Variants in KCNH7 observed in about 807,000 individuals in gnomAD.
KCNH7 encodes voltage-gated inwardly rectifying potassium channel KCNH7.
In KCNH7, 49 loss-of-function variants were observed where a neutral mutation model predicts 120.8. The observed-to-expected ratio is 0.41, with a 90% CI of 0.32 to 0.51. The LOEUF (loss-of-function observed/expected upper bound fraction) is 0.51. Among genes scored for constraint, KCNH7 ranks in the 20% least tolerant of loss-of-function variants. The pLI, the probability that KCNH7 is intolerant of heterozygous loss-of-function variation, is 0.38. For synonymous variants in KCNH7, 547 were observed against 516.1 expected, an observed-to-expected ratio of 1.06 and a Z score of -0.81; for missense variants, 1,097 against 1,446.6, an observed-to-expected ratio of 0.76 and a Z score of 3.92.
At chr2:162,701,297 A>G (rs1686489254) in intron 2 of KCNH7, among the ~76,000 whole-genome samples, 1 of 152,164 alleles carries the variant, frequency 6.6e-6, no homozygotes, top group Admixed American at 6.6e-5. Context: ...AAGTTTGCTA[A>G]TCATGCATCA....
intron 2 of KCNH7, among the ~76,000 whole-genome samples, chr2:162,648,514 C>T (rs1684451459): frequency 6.6e-6 from 1 of 152,150 alleles, no homozygotes; most frequent in Non-Finnish European, 1.5e-5. Flanking sequence ...GTCTAGCCTA[C>T]AATACATTTC....
Position 162,394,327 on chromosome 2 carries a change from T to G in KCNH7, c.2710+62A>C. On this transcript the variant is annotated intron_variant, in intron 12 of 15. Transcript: ENST00000332142. Reference sequence around the variant, plus strand: ...TTGAAGTCAGAAGTAAAATGAACATTTAAGTAAGAAGGCTAATTACCACAT... The same window carrying G: ...TTGAAGTCAGAAGTAAAATGAACATGTAAGTAAGAAGGCTAATTACCACAT... 3.1e-6 allele frequency: 3 copies of G among 958,322 alleles called. No individual in the cohort carries two copies. In the Admixed American group the frequency reaches 5.3e-5, roughly 17 times the overall value. 59.4% of individuals were successfully genotyped at this position (958,322 alleles called of 1,614,324 possible).
At chr2:162,768,308 T>C (rs565684732) in intron 2 of KCNH7, among the ~76,000 whole-genome samples, 4 of 151,454 alleles carry the variant, frequency 2.6e-5, no homozygotes, top group Non-Finnish European at 5.9e-5. Flanking sequence ...CAAATTGTAA[T>C]CGTTTTGGAC....
chr2:162,767,205 T>C (rs188146223), intron 2 of KCNH7, among the ~76,000 whole-genome samples: 18 of 152,300 alleles, frequency 1.2e-4, no homozygotes, highest in Admixed American at 3.3e-4. Flanking sequence ...ATTCCTAGTA[T>C]GTTTAATTGT....
At chr2:162,373,262 G>T (rs551094908) in intron 15 of KCNH7, among the ~76,000 whole-genome samples, 2 of 152,092 alleles carry the variant, frequency 1.3e-5, no homozygotes, top group Non-Finnish European at 2.9e-5. Context: ...TAGCTTCATT[G>T]TTCTCAAACT....
At chr2:162,406,038 G>T (rs1215304114) in intron 9 of KCNH7, among the ~76,000 whole-genome samples, 2 of 151,878 alleles carry the variant, frequency 1.3e-5, no homozygotes, top group African/African-American at 4.8e-5. Context: ...TAGCCAAATA[G>T]ATTTAAATAT....
intron 2 of KCNH7, among the ~76,000 whole-genome samples, chr2:162,636,336 T>G (rs1428004316): frequency 6.6e-6 from 1 of 152,136 alleles, no homozygotes; most frequent in Non-Finnish European, 1.5e-5. Flanking sequence ...TTTACCTGGA[T>G]CATTCTGTTT....
At position 162,374,713 on chromosome 2, in the gene KCNH7, CT is replaced by C. The variant is rs111341300; in HGVS notation, c.3132-1052del. ...CCTGGAAAACATGAGAAAATATCTTCTTTTTTTTTTAGTTTTTGATATTAAC... is the reference window on the plus strand; with the variant it reads ...CCTGGAAAACATGAGAAAATATCTTCTTTTTTTTTAGTTTTTGATATTAAC... On this transcript the variant is annotated intron_variant, in intron 14 of 15. Transcript: ENST00000332142. Among the ~76,000 whole-genome samples, 708 of 148,700 alleles carry C rather than the reference CT, an allele frequency of 4.8e-3. 8 individuals carry two copies. The highest frequency in any genetic ancestry group is 0.017 in the African/African-American group (675 of 40,720).
intron 2 of KCNH7, among the ~76,000 whole-genome samples, chr2:162,803,383 T>A (rs888868549): frequency 6.6e-6 from 1 of 151,786 alleles, no homozygotes; most frequent in Admixed American, 6.6e-5. Context: ...TGTTGATCTA[T>A]TAAATACTTG....
At chr2:162,414,380 T>C (rs538935030) in intron 9 of KCNH7, among the ~76,000 whole-genome samples, 1 of 151,804 alleles carries the variant, frequency 6.6e-6, no homozygotes, top group Admixed American at 6.6e-5. Context: ...AATGAAGCCA[T>C]TAATACAAGA....
At chr2:162,465,274 ACT>A (rs1689270886) in intron 6 of KCNH7, among the ~76,000 whole-genome samples, 1 of 152,104 alleles carries the variant, frequency 6.6e-6, no homozygotes, top group African/African-American at 2.4e-5. Context: ...GCCTTCATAT[ACT>A]CTGAGATTCC....
chr2:162,812,528 C>G (rs528962922), intron 2 of KCNH7, among the ~76,000 whole-genome samples: 2 of 152,102 alleles, frequency 1.3e-5, no homozygotes, highest in East Asian at 3.9e-4. Context: ...GGACATGAAG[C>G]CCCTGATCCT....
intron 2 of KCNH7, among the ~76,000 whole-genome samples, chr2:162,813,918 A>G (rs1684822060): frequency 1.3e-5 from 2 of 152,208 alleles, no homozygotes; most frequent in African/African-American, 4.8e-5. Context: ...TGATATTGAG[A>G]CAAATAAACT....
chr2:162,645,378 C>T (rs1214782406), intron 2 of KCNH7, among the ~76,000 whole-genome samples: 1 of 152,106 alleles, frequency 6.6e-6, no homozygotes, highest in African/African-American at 2.4e-5. Flanking sequence ...CATCTTTTGA[C>T]CTTGTGATCC....
At chr2:162,384,631 T>C (rs1167754713) in intron 13 of KCNH7, 57 bp downstream of exon 13, 3 of 1,534,838 alleles carry the variant, frequency 2.0e-6, no homozygotes, top group Non-Finnish European at 2.7e-6. Flanking sequence ...TTGTAAAAAG[T>C]CACCATTTTG....
chr2:162,737,012 G>T (rs1687938209), intron 2 of KCNH7, among the ~76,000 whole-genome samples: 2 of 152,088 alleles, frequency 1.3e-5, no homozygotes, highest in African/African-American at 4.8e-5. Flanking sequence ...TATGGTTCTG[G>T]AAATAACACA....
chr2:162,697,893 A>C (rs1224868006), intron 2 of KCNH7, among the ~76,000 whole-genome samples: 6 of 152,072 alleles, frequency 3.9e-5, no homozygotes, highest in African/African-American at 1.2e-4. Flanking sequence ...AGAAAAAAAA[A>C]CTGCATGTTA....
chr2:162,739,693 C>A (rs964371945), intron 2 of KCNH7, among the ~76,000 whole-genome samples: 5 of 152,086 alleles, frequency 3.3e-5, no homozygotes, highest in South Asian at 2.1e-4. Context: ...AGGGTCTCCT[C>A]AAAATATTTC....
rs182494018 is a variant in KCNH7, at chr2:162,523,020, T to C, written c.464-4862A>G. Among the ~76,000 whole-genome samples, 793 of 151,980 alleles carry C rather than the reference T, an allele frequency of 5.2e-3. 5 individuals are homozygous for C. The highest frequency in any genetic ancestry group is 8.4e-3 in the Non-Finnish European group (568 of 67,864). On this transcript the variant is annotated intron_variant, in intron 3 of 15. Coordinates refer to ENST00000332142, the MANE Select transcript of KCNH7 (RefSeq NM_033272.4). ...CATAGATAGTCCCATCATCTTTCTC[T>C]GTGAAAAGTCTATAATTATCACTTT... is the stretch of plus-strand genomic sequence containing the variant.
Sources: allele counts gnomAD v4.1 joint callset (sites outside exome capture counted in the v4.1 genomes callset), GRCh38; gene constraint gnomAD v4.1.1; transcripts MANE v1.5; gene names NCBI Gene and HGNC (gene_info 2026-07-23, HGNC 2026-07-21).